PHF21A: variants seen among roughly 807,000 people sequenced by gnomAD.
PHF21A encodes the protein BHC80a.
PHF21A carries 11 observed loss-of-function variants against 82.5 expected under a neutral mutation model. That is an observed-to-expected ratio of 0.13 (90% CI 0.08 to 0.22). PHF21A has a LOEUF of 0.22. Ranked by LOEUF, PHF21A falls within the 10% of genes least tolerant of loss-of-function variation. The pLI, the probability that PHF21A is intolerant of heterozygous loss-of-function variation, is 1.00. For synonymous variants in PHF21A, 297 were observed against 302.8 expected (o/e 0.98, Z 0.20); for missense variants, 579 against 837.8 (o/e 0.69, Z 3.81).
At chr11:46,055,412 T>C (rs557149598) in intron 6 of PHF21A, among the ~76,000 whole-genome samples, 7 of 152,302 alleles carry the variant, frequency 4.6e-5, no homozygotes, top group East Asian at 3.9e-4. Flanking sequence ...GTTCTACAAC[T>C]GATGGGAAAA....
chr11:46,013,477 G>A (rs555319155), intron 6 of PHF21A, among the ~76,000 whole-genome samples: 20 of 152,266 alleles, frequency 1.3e-4, no homozygotes, highest in South Asian at 1.0e-3. Flanking sequence ...TCAGCTGACC[G>A]TGAGTAACTA....
intron 6 of PHF21A, among the ~76,000 whole-genome samples, chr11:46,001,980 T>G (rs1056390510): frequency 6.6e-6 from 1 of 152,180 alleles, no homozygotes; most frequent in Admixed American, 6.5e-5. Flanking sequence ...AAAATACTTA[T>G]GGCAAGACGA....
chr11:45,950,299 T>C (rs749967548), intron 11 of PHF21A, 42 bp from the exon 12 acceptor site: 1 of 1,583,918 alleles, frequency 6.3e-7, no homozygotes, highest in South Asian at 1.1e-5. Context: ...TCAGTCTGGG[T>C]TCTCACAAAG....
intron 15 of PHF21A, among the ~76,000 whole-genome samples, chr11:45,940,852 T>C (rs1158163177): frequency 6.6e-6 from 1 of 152,168 alleles, no homozygotes; most frequent in Non-Finnish European, 1.5e-5. Context: ...TCAGACGGAC[T>C]TGGGATAAAC....
At chr11:46,033,847 T>C (rs1179938741) in intron 6 of PHF21A, among the ~76,000 whole-genome samples, 1 of 152,230 alleles carries the variant, frequency 6.6e-6, no homozygotes, top group Non-Finnish European at 1.5e-5. Flanking sequence ...TTCTGTTCTA[T>C]TTCTATTGGA....
At chr11:46,079,625 C>G (rs2096766047) in intron 4 of PHF21A, among the ~76,000 whole-genome samples, 1 of 152,182 alleles carries the variant, frequency 6.6e-6, no homozygotes, top group African/African-American at 2.4e-5. Context: ...CTTAGTGTCC[C>G]ATGTGACTTT....
chr11:46,080,254 G>A (rs140350720), intron 4 of PHF21A, among the ~76,000 whole-genome samples: 1 of 152,006 alleles, frequency 6.6e-6, no homozygotes, highest in East Asian at 1.9e-4. Context: ...AACCTCCTGG[G>A]CTTAAGTTAT....
chr11:46,060,234 G>T (rs1043373245), intron 6 of PHF21A, among the ~76,000 whole-genome samples: 3 of 152,150 alleles, frequency 2.0e-5, no homozygotes, highest in African/African-American at 4.8e-5. Flanking sequence ...CTGGCCTCAA[G>T]CAATCCTCCC....
chr11:46,023,685 G>A (rs2095676796), intron 6 of PHF21A, among the ~76,000 whole-genome samples: 1 of 152,248 alleles, frequency 6.6e-6, no homozygotes, highest in Non-Finnish European at 1.5e-5. Context: ...GCCAGGCGCA[G>A]TGGCTCATGC....
chr11:45,978,979 A>T (rs79404237), intron 7 of PHF21A, among the ~76,000 whole-genome samples: 1,666 of 152,176 alleles, frequency 0.011, 17 homozygotes, highest in Middle Eastern at 0.058. Flanking sequence ...ATATGGGCTT[A>T]AAAATGAGTG....
At chr11:45,954,546 T>C (rs2092478462) in intron 10 of PHF21A, among the ~76,000 whole-genome samples, 1 of 152,060 alleles carries the variant, frequency 6.6e-6, no homozygotes, top group Non-Finnish European at 1.5e-5. Flanking sequence ...AAGCCTCTTC[T>C]TCCAGAAGCC....
intron 1 of PHF21A, among the ~76,000 whole-genome samples, chr11:46,106,304 A>C (rs1217920111): frequency 6.6e-6 from 1 of 152,214 alleles, no homozygotes; most frequent in African/African-American, 2.4e-5. Flanking sequence ...ATCTCCCCTG[A>C]GCACAAAAGG....
intron 6 of PHF21A, among the ~76,000 whole-genome samples, chr11:46,046,825 C>T (rs2139000389): frequency 6.6e-6 from 1 of 152,214 alleles, no homozygotes. Flanking sequence ...AGAGTAGTTT[C>T]CAAACACTGA....
chr11:45,990,248 T>A (rs1565431202), intron 6 of PHF21A, among the ~76,000 whole-genome samples: 1 of 125,626 alleles, frequency 8.0e-6, no homozygotes, highest in Non-Finnish European at 1.6e-5. Flanking sequence ...CATTTTCATC[T>A]TCTTTTTTTT....
intron 15 of PHF21A, among the ~76,000 whole-genome samples, chr11:45,944,296 T>G (rs1193583384): frequency 6.6e-6 from 1 of 152,212 alleles, no homozygotes; most frequent in African/African-American, 2.4e-5. Flanking sequence ...CAACTTCTTG[T>G]TACCTTGTTC....
At chr11:46,002,520 TG>T (rs1165280802) in intron 6 of PHF21A, among the ~76,000 whole-genome samples, 5 of 151,964 alleles carry the variant, frequency 3.3e-5, no homozygotes, top group East Asian at 1.9e-4. Flanking sequence ...AAGCACTATT[TG>T]GGGGAAAAAA....
At chr11:46,046,928 A>G (rs746187320) in intron 6 of PHF21A, among the ~76,000 whole-genome samples, 3 of 152,216 alleles carry the variant, frequency 2.0e-5, no homozygotes, top group Non-Finnish European at 2.9e-5. Flanking sequence ...CAGAAGTCTG[A>G]GCTGTTTGTT....
At chr11:45,970,794 T>C in intron 8 of PHF21A, 1 of 280,018 alleles carries the variant, frequency 3.6e-6, no homozygotes, top group Non-Finnish European at 6.8e-6. Context: ...AGGAAAACAC[T>C]GTAGAGAGAG....
chr11:45,965,740 T>A, intron 9 of PHF21A, 132 bp from the exon 10 acceptor site: 1 of 717,460 alleles, frequency 1.4e-6, no homozygotes, highest in Non-Finnish European at 2.2e-6. Flanking sequence ...ACATTAATTC[T>A]ATAGACCTCA....
Sources: gnomAD v4.1 joint callset for allele counts (sites outside exome capture counted in the v4.1 genomes callset) on GRCh38, gnomAD v4.1.1 for gene constraint, MANE v1.5 for transcripts, NCBI Gene and HGNC (gene_info 2026-07-23, HGNC 2026-07-21) for gene names.